VPS54: variants seen among roughly 807,000 people sequenced by gnomAD.
VPS54 encodes vacuolar protein sorting-associated protein 54.
A neutral mutation model predicts 121.5 loss-of-function variants in VPS54; 45 were observed. That is an observed-to-expected ratio of 0.37 (90% CI 0.29 to 0.47). VPS54 has a LOEUF of 0.47. VPS54 is among the 20% of genes least tolerant of loss of function. The pLI is 0.99. For synonymous variants in VPS54, 371 were observed against 385.8 expected (o/e 0.96, Z 0.45); for missense variants, 1,090 against 1,131.4 (o/e 0.96, Z 0.52).
intron 17 of VPS54, 75 bp downstream of exon 17, chr2:63,914,107 G>T: frequency 2.5e-6 from 3 of 1,224,282 alleles, no homozygotes; most frequent in South Asian, 2.6e-5. Context: ...AAATGTCTTT[G>T]AGTTAAGATT....
At position 63,995,974 on chromosome 2, in the gene VPS54, G is replaced by A. The variant is rs1269964325; in HGVS notation, c.-20-11955C>T. Among the ~76,000 whole-genome samples the A allele has an allele frequency of 2.0e-5, 3 of 152,322 alleles. No individual in the cohort carries two copies. The East Asian group carries it at 5.8e-4, about 29-fold the overall frequency. ...GACTAAACCCCACAACTTGGATTAAGTCTATTGGGGGCTCCACTGTAGTAA... is the reference window on the plus strand; with the variant it reads ...GACTAAACCCCACAACTTGGATTAAATCTATTGGGGGCTCCACTGTAGTAA... On this transcript the variant is annotated intron_variant, in intron 1 of 22. Coordinates refer to ENST00000272322, the MANE Select transcript of VPS54 (RefSeq NM_016516.3).
At chr2:64,008,849 C>G (rs774262280) in intron 1 of VPS54, among the ~76,000 whole-genome samples, 1 of 152,236 alleles carries the variant, frequency 6.6e-6, no homozygotes, top group Non-Finnish European at 1.5e-5. Flanking sequence ...CAGTCAAATA[C>G]AGTGAACACT....
rs1675091062 is a variant in VPS54, at chr2:63,948,423, T to TG, written c.1137+613_1137+614insC. On this transcript the variant is annotated intron_variant, in intron 8 of 22. Coordinates refer to ENST00000272322, the MANE Select transcript of VPS54 (RefSeq NM_016516.3). ...AATGATCACTTTTTCGGTTTTTTTT[T>TG]TTTTTTTTTTTTGAGACAGGGTCTT... Among the ~76,000 whole-genome samples, 3 of 149,528 alleles carry TG rather than the reference T, an allele frequency of 2.0e-5. No individual in the cohort carries two copies. In the South Asian group the frequency reaches 6.4e-4, roughly 32 times the overall value.
Position 63,965,820 on chromosome 2 carries a change from T to G in VPS54, c.624+15A>C, listed in dbSNP as rs1675967292. On this transcript the variant is annotated intron_variant, in intron 6 of 22. Coordinates refer to ENST00000272322, the MANE Select transcript of VPS54 (RefSeq NM_016516.3). ...AGAATAGTTTCCTACATGGAAAAAG[T>G]CAAAAAGAAATTACCTTTTCTTGAA... The G allele has an allele frequency of 6.2e-7, 1 of 1,609,110 alleles. No homozygotes were observed. The highest frequency in any genetic ancestry group is 1.7e-5 in the Admixed American group (1 of 58,864).
intron 22 of VPS54, 109 bp downstream of exon 22, chr2:63,897,387 C>G (rs1672490580): frequency 1.4e-6 from 1 of 696,922 alleles, no homozygotes; most frequent in Admixed American, 3.5e-5. Flanking sequence ...GATTTTACAA[C>G]GTTGGTCTTC....
chr2:63,983,908 C>A lies in VPS54; in HGVS notation c.92G>T (p.Arg31Leu), dbSNP rs1287913022. The A allele has an allele frequency of 6.8e-6, 11 of 1,613,078 alleles. No individual in the cohort carries two copies. Among genetic ancestry groups the A allele is most frequent in the Middle Eastern group, 1.6e-4 (1 of 6,078 alleles). Residue 31 changes from arginine to leucine, a missense_variant, in exon 2 of 23, where the codon CGA (arginine) becomes CTA (leucine). By Grantham distance (102) the Arg-to-Leu change is moderately radical (BLOSUM62 -2). Around this residue, in one of 2 missense-constraint regions of VPS54, gnomAD observed 801 missense variants for 757.0 expected, o/e 1.06. Coordinates refer to ENST00000272322, the MANE Select transcript of VPS54 (RefSeq NM_016516.3). ...KIEVDPSKHIRPVPSLPDVCP... is the reference protein window; with the variant it reads ...KIEVDPSKHILPVPSLPDVCP... The stretch of plus-strand genomic sequence containing the variant: ...CACATCTGGCAGTGATGGCACAGGT[C>A]GAATGTGTTTTGACGGATCTACCTC...
At chr2:63,956,477 G>A (rs1403995482) in intron 7 of VPS54, among the ~76,000 whole-genome samples, 2 of 152,160 alleles carry the variant, frequency 1.3e-5, no homozygotes, top group Non-Finnish European at 1.5e-5. Flanking sequence ...GTTCCTGGCT[G>A]CTGAGCAAAC....
intron 20 of VPS54, among the ~76,000 whole-genome samples, chr2:63,904,568 G>A (rs1204580478): frequency 4.0e-5 from 6 of 151,076 alleles, no homozygotes; most frequent in Admixed American, 4.0e-4. Context: ...GCAAAGATCT[G>A]AACACAAAAA....
At chr2:63,951,359 G>A (rs986764164) in intron 7 of VPS54, among the ~76,000 whole-genome samples, 4 of 151,772 alleles carry the variant, frequency 2.6e-5, no homozygotes, top group African/African-American at 9.7e-5. Flanking sequence ...ACTTAGTATG[G>A]GTCCCATGGT....
At chr2:63,913,151 A>G (rs1673226960) in intron 18 of VPS54, 72 bp downstream of exon 18, 1 of 1,282,308 alleles carries the variant, frequency 7.8e-7, no homozygotes, top group Non-Finnish European at 1.1e-6. Context: ...CATGAGGTAT[A>G]AAAAAACATG....
intron 3 of VPS54, among the ~76,000 whole-genome samples, chr2:63,976,827 T>TC (rs1184026508): frequency 9.5e-6 from 1 of 104,822 alleles, no homozygotes; most frequent in African/African-American, 3.0e-5. Context: ...TATCTTCTCT[T>TC]TTTTTTTTTT....
chr2:63,931,342 A>G (rs1674191217), intron 12 of VPS54, among the ~76,000 whole-genome samples: 1 of 152,232 alleles, frequency 6.6e-6, no homozygotes, highest in Non-Finnish European at 1.5e-5. Flanking sequence ...GGCCTCAGAA[A>G]TAATACCACA....
At chr2:63,938,589 G>A (rs1256182795) in intron 11 of VPS54, among the ~76,000 whole-genome samples, 3 of 151,986 alleles carry the variant, frequency 2.0e-5, no homozygotes, top group South Asian at 2.1e-4. Context: ...CTCAGCCTCC[G>A]GAATAGCTGG....
Position 63,909,793 on chromosome 2 carries a change from C to T in VPS54, c.2625+2552G>A, listed in dbSNP as rs145248357. Among the ~76,000 whole-genome samples, 296 of 147,468 alleles carry T rather than the reference C, an allele frequency of 2.0e-3. 2 individuals are homozygous for T. Among genetic ancestry groups the T allele is most frequent in the Middle Eastern group, 0.014 (4 of 286 alleles). On this transcript the variant is annotated intron_variant, in intron 20 of 22. Transcript: ENST00000272322. ...AGGCTGGAGTGCAATGGTGCCATCTCGGCTCACTGCAACCTCTGCTTCCTG... is the reference window on the plus strand; with the variant it reads ...AGGCTGGAGTGCAATGGTGCCATCTTGGCTCACTGCAACCTCTGCTTCCTG...
chr2:63,968,830 A>G, intron 5 of VPS54, 127 bp downstream of exon 5: 1 of 729,090 alleles, frequency 1.4e-6, no homozygotes, highest in Non-Finnish European at 2.4e-6. Context: ...GTGATGCAAC[A>G]CAGCCCCACA....
At chr2:64,006,857 G>T (rs554531246) in intron 1 of VPS54, among the ~76,000 whole-genome samples, 2 of 152,236 alleles carry the variant, frequency 1.3e-5, no homozygotes, top group East Asian at 3.9e-4. Context: ...GACCTCAGGT[G>T]ATCCACCCGC....
Position 63,962,378 on chromosome 2 carries a change from T to C in VPS54, c.690A>G (p.Ala230=), listed in dbSNP as rs1391664524. ...IAHQISLRSE[A]FFHAMTSQHE... ...GTTGAGAGGTCATTGCATGAAAAAA[T>C]GCTTCTGAACGTAGAGAGATCTGGT... Residue 230 remains alanine, a synonymous_variant, in exon 7 of 23, where the codon GCA becomes GCG. Transcript: ENST00000272322. 3 of 1,613,910 alleles carry C rather than the reference T, an allele frequency of 1.9e-6. No homozygotes were observed. The highest frequency in any genetic ancestry group is 1.7e-6 in the Non-Finnish European group (2 of 1,179,888).
chr2:63,923,374 A>C (rs1236338681), intron 12 of VPS54, among the ~76,000 whole-genome samples: 1 of 152,164 alleles, frequency 6.6e-6, no homozygotes, highest in Non-Finnish European at 1.5e-5. Flanking sequence ...GTCAATAGGG[A>C]AAAAACAAAC....
chr2:64,008,898 C>T (rs1017703354), intron 1 of VPS54, among the ~76,000 whole-genome samples: 82 of 152,210 alleles, frequency 5.4e-4, no homozygotes, highest in Non-Finnish European at 1.2e-4. Context: ...TGTTTTTGTT[C>T]ATCTTCAAAA....
Sources: allele counts gnomAD v4.1 joint callset (sites outside exome capture counted in the v4.1 genomes callset), GRCh38; gene constraint gnomAD v4.1.1; regional missense constraint gnomAD v4.1.1; transcripts MANE v1.5; gene names NCBI Gene and HGNC (gene_info 2026-07-23, HGNC 2026-07-21).